The following XIRP2 variants were observed in gnomAD, a reference collection of about 807,000 sequenced individuals.
XIRP2 encodes the protein xin actin-binding repeat-containing protein 2.
Under a neutral mutation model 277.0 loss-of-function variants are expected in XIRP2, and 236 were observed. That is an observed-to-expected ratio of 0.85 (90% CI 0.77 to 0.95). XIRP2 has a LOEUF of 0.95. Ranked by LOEUF, XIRP2 falls within the 40% of genes least tolerant of loss-of-function variation. The probability of loss-of-function intolerance (pLI) is 0.00; values close to 1 mark genes in which losing one functional copy is unlikely to be tolerated. For missense variants in XIRP2, 4,640 were observed against 4,157.5 expected (o/e 1.12, Z -3.19); for synonymous variants, 1,490 against 1,416.5 (o/e 1.05, Z -1.17).
chr2:166,899,818 G>C (rs535345944), intron 1 of XIRP2, among the ~76,000 whole-genome samples: 1 of 152,206 alleles, frequency 6.6e-6, no homozygotes, highest in Admixed American at 6.5e-5. Context: ...ATTGAAAACT[G>C]ACACAGGTAT....
At chr2:167,055,029 T>G (rs1280211961) in intron 2 of XIRP2, among the ~76,000 whole-genome samples, 1 of 152,214 alleles carries the variant, frequency 6.6e-6, no homozygotes, top group Admixed American at 6.5e-5. Context: ...TGTAGGGTTC[T>G]TCTGCTGTTT....
chr2:167,102,489 A>G (rs1218018089), intron 2 of XIRP2, among the ~76,000 whole-genome samples: 1 of 152,204 alleles, frequency 6.6e-6, no homozygotes, highest in Non-Finnish European at 1.5e-5. Context: ...TAGTTTCAAG[A>G]CAAAGAATTA....
chr2:166,892,963 C>CAT lies in XIRP2; in HGVS notation c.-19+4417_-19+4418dup, dbSNP rs1209895250. Among the ~76,000 whole-genome samples the CAT allele has an allele frequency of 1.5e-3, 203 of 136,514 alleles. 1 individual carries two copies. The highest frequency in any genetic ancestry group is 4.7e-3 in the African/African-American group (173 of 37,132). The allele number at this position is 136,514 out of a possible 152,430, so 89.6% of individuals were successfully genotyped here. ...GTGTATATTTATGTGTGTGTATATA[C>CAT]ATATATATATATGTATATACACACA... is the stretch of plus-strand genomic sequence containing the variant. On this transcript the variant is annotated intron_variant, in intron 1 of 10. Coordinates refer to ENST00000409195, the MANE Select transcript of XIRP2 (RefSeq NM_152381.6).
intron 2 of XIRP2, among the ~76,000 whole-genome samples, chr2:166,980,123 C>T (rs914105754): frequency 2.0e-5 from 3 of 151,988 alleles, no homozygotes; most frequent in Admixed American, 1.3e-4. Context: ...GCTACAAATG[C>T]CTTAGAGTTT....
chr2:167,223,536 T>A (rs1428227466), intron 5 of XIRP2, among the ~76,000 whole-genome samples: 1 of 152,194 alleles, frequency 6.6e-6, no homozygotes, highest in Non-Finnish European at 1.5e-5. Context: ...GTGACAGATA[T>A]AATCTGACTA....
In XIRP2 at chr2:167,249,667, G is replaced by C. The variant is rs1236420115; in HGVS notation, c.8275G>C (p.Glu2759Gln). Residue 2759 changes from glutamate (E) to glutamine (Q), a missense_variant, in exon 9 of 11, where the codon GAA becomes CAA. Glu to Gln is a conservative substitution (Grantham distance 29). Transcript: ENST00000409195. ...AACCAAGAAAACTGAAGCAAGCACT[G>C]AATGTAGTCATAAGCAATCTCTGGC... ...LKTKKTEAST[E>Q]CSHKQSLAER... 6 of 1,613,252 alleles carry C rather than the reference G, an allele frequency of 3.7e-6. No homozygotes were observed. Among genetic ancestry groups the C allele is most frequent in the Non-Finnish European group, 5.1e-6 (6 of 1,179,726 alleles).
At chr2:166,917,290 A>G (rs1237912349) in intron 2 of XIRP2, among the ~76,000 whole-genome samples, 1 of 152,180 alleles carries the variant, frequency 6.6e-6, no homozygotes, top group Non-Finnish European at 1.5e-5. Context: ...CAGTTTGTTC[A>G]ATTATAGTTT....
At chr2:167,153,677 C>T (rs964326729) in intron 3 of XIRP2, among the ~76,000 whole-genome samples, 23 of 151,382 alleles carry the variant, frequency 1.5e-4, no homozygotes, top group Admixed American at 5.9e-4. Flanking sequence ...TTTGTTCTTG[C>T]GATAGTTTAC....
chr2:167,017,242 C>T (rs2105479397), intron 2 of XIRP2, among the ~76,000 whole-genome samples: 1 of 152,080 alleles, frequency 6.6e-6, no homozygotes, highest in African/African-American at 2.4e-5. Flanking sequence ...TCTCCCACTT[C>T]CTCTACAATC....
intron 10 of XIRP2, among the ~76,000 whole-genome samples, chr2:167,255,260 G>T (rs1350234136): frequency 6.6e-6 from 1 of 151,814 alleles, no homozygotes; most frequent in Non-Finnish European, 1.5e-5. Context: ...CTGTGCATCA[G>T]ATGCTTATAT....
Position 167,087,482 on chromosome 2 carries a change from T to C in XIRP2, c.409-48427T>C, listed in dbSNP as rs555755661. 5.3e-4 allele frequency among the ~76,000 whole-genome samples: 80 copies of C among 152,310 alleles called. 2 individuals are homozygous for C. The highest frequency in any genetic ancestry group is 1.9e-3 in the African/African-American group (78 of 41,576). ...TGGTGGGCTCCACCCAGTTCGAGCT[T>C]CCCGGCTGCTTTGTTTACCTAAGCA... On this transcript the variant is annotated intron_variant, in intron 2 of 10. Transcript: ENST00000409195.
At position 166,961,525 on chromosome 2, in the gene XIRP2, G is replaced by T. The variant is rs115701704; in HGVS notation, c.408+57635G>T. On this transcript the variant is annotated intron_variant, in intron 2 of 10. Transcript: ENST00000409195. ...TGTTTACTTACTTTGTATTCTATTT[G>T]CAATATAAGGAAATGAAATGGAAAG... is the stretch of plus-strand genomic sequence containing the variant. Among the ~76,000 whole-genome samples the T allele has an allele frequency of 4.3e-3, 653 of 151,826 alleles. 5 individuals carry two copies. Among genetic ancestry groups the T allele is most frequent in the African/African-American group, 0.015 (615 of 41,506 alleles).
rs531158037 is a variant in XIRP2 at position 167,180,039 on chromosome 2, T to C, written c.563-30696T>C. ...ACAAATAGAGTTATCTGTTCAAATCTATGTCCATTACAAAAACAAACAAAC... is the reference window on the plus strand; with the variant it reads ...ACAAATAGAGTTATCTGTTCAAATCCATGTCCATTACAAAAACAAACAAAC... On this transcript the variant is annotated intron_variant, in intron 3 of 10. Coordinates refer to ENST00000409195, the MANE Select transcript of XIRP2 (RefSeq NM_152381.6). 5.3e-5 allele frequency among the ~76,000 whole-genome samples: 8 copies of C among 152,362 alleles called. No homozygotes were observed. In the South Asian group the frequency reaches 1.5e-3, roughly 28 times the overall value.
At chr2:167,181,575 C>T (rs1161106197) in intron 3 of XIRP2, among the ~76,000 whole-genome samples, 1 of 144,946 alleles carries the variant, frequency 6.9e-6, no homozygotes, top group African/African-American at 2.8e-5. Flanking sequence ...CTATCAAGAA[C>T]ATCTGGACCT....
intron 3 of XIRP2, among the ~76,000 whole-genome samples, chr2:167,209,672 G>T (rs1036839062): frequency 6.6e-6 from 1 of 151,878 alleles, no homozygotes. Context: ...CCCTTGAAAT[G>T]ATTTTGGAAT....
At chr2:166,975,879 C>T (rs1225383096) in intron 2 of XIRP2, among the ~76,000 whole-genome samples, 8 of 127,886 alleles carry the variant, frequency 6.3e-5, no homozygotes, top group Admixed American at 6.1e-4. Flanking sequence ...TGCAGTGAGC[C>T]GAGATCGTGC....
chr2:167,044,132 A>G (rs1314797452), intron 2 of XIRP2, among the ~76,000 whole-genome samples: 1 of 152,114 alleles, frequency 6.6e-6, no homozygotes, highest in African/African-American at 2.4e-5. Context: ...TACAAAATCT[A>G]TAAATGTGAT....
intron 2 of XIRP2, among the ~76,000 whole-genome samples, chr2:166,935,421 TG>T (rs573737823): frequency 5.3e-4 from 81 of 152,260 alleles, no homozygotes; most frequent in Middle Eastern, 3.4e-3. Flanking sequence ...TTTTTGTTTT[TG>T]TTTTTTTATA....
At chr2:166,996,735 C>A (rs1017713127) in intron 2 of XIRP2, among the ~76,000 whole-genome samples, 1 of 152,056 alleles carries the variant, frequency 6.6e-6, no homozygotes, top group Admixed American at 6.6e-5. Context: ...CGGCCTGAAC[C>A]AAGATGATGC....
Sources: gnomAD v4.1 joint callset for allele counts (sites outside exome capture counted in the v4.1 genomes callset) on GRCh38, gnomAD v4.1.1 for gene constraint, MANE v1.5 for transcripts, NCBI Gene and HGNC (gene_info 2026-07-23, HGNC 2026-07-21) for gene names.